The following SCFD1 variants were observed in gnomAD, a reference collection of about 807,000 sequenced individuals.
SCFD1 encodes sec1 family domain containing 1.
In SCFD1, 37 loss-of-function variants were observed where a neutral mutation model predicts 103.2. That is an observed-to-expected ratio of 0.36 (90% confidence interval 0.28 to 0.47). SCFD1 has a LOEUF of 0.47. SCFD1 is among the 20% of genes least tolerant of loss of function. The pLI is 1.00. For missense variants in SCFD1, 639 were observed against 761.2 expected (o/e 0.84, Z 1.89); for synonymous variants, 264 against 245.0 (o/e 1.08, Z -0.73).
chr14:30,630,436 G>GA (rs745459918), intron 2 of SCFD1, 41 bp from the exon 3 acceptor site: 36 of 1,108,554 alleles, frequency 3.2e-5, no homozygotes, highest in Non-Finnish European at 4.9e-5. Flanking sequence ...TTCACTATTG[G>GA]TTGTTCACTG....
chr14:30,673,497 G>T, intron 12 of SCFD1, 150 bp downstream of exon 12: 1 of 496,606 alleles, frequency 2.0e-6, no homozygotes, highest in Admixed American at 3.7e-5. Context: ...TGATCAAAAA[G>T]AAATCTAAAT....
chr14:30,625,721 A>ATAGGTATATAGG (rs760909609), intron 1 of SCFD1, among the ~76,000 whole-genome samples: 1 of 48,542 alleles, frequency 2.1e-5, no homozygotes, highest in African/African-American at 3.2e-4. Context: ...GTATATAGGT[A>ATAGGTATATAGG]TATAGGTATA....
chr14:30,701,160 G>C (rs1891052398), intron 16 of SCFD1, among the ~76,000 whole-genome samples: 1 of 152,158 alleles, frequency 6.6e-6, no homozygotes, highest in South Asian at 2.1e-4. Flanking sequence ...CTGGTAAATT[G>C]ATAGGGTTTC....
chr14:30,640,683 G>GTTTTTTTTTA (rs1555346847), intron 6 of SCFD1, among the ~76,000 whole-genome samples: 1 of 150,676 alleles, frequency 6.6e-6, no homozygotes, highest in Non-Finnish European at 1.5e-5. Context: ...ATATTAAGTG[G>GTTTTTTTTTA]TTTTTTTTTA....
chr14:30,653,575 T>C lies in SCFD1; in HGVS notation c.842T>C (p.Val281Ala). Reference sequence around the variant, plus strand: ...CATACTTGGACATATCAAGCATTGGTGCACGATGTACTGGTAAGAGACTAA... The same window carrying C: ...CATACTTGGACATATCAAGCATTGGCGCACGATGTACTGGTAAGAGACTAA... ...LHHTWTYQAL[V>A]HDVLDFHLNR... Residue 281 changes from valine to alanine, a missense_variant, in exon 10 of 25, where the codon GTG becomes GCG. Transcript: ENST00000458591. 6.2e-7 allele frequency: 1 copy of C among 1,609,646 alleles called. No individual in the cohort carries two copies. Among genetic ancestry groups the C allele is most frequent in the South Asian group, 1.1e-5 (1 of 90,924 alleles).
intron 20 of SCFD1, among the ~76,000 whole-genome samples, chr14:30,716,746 A>C (rs1315254546): frequency 2.6e-5 from 4 of 152,212 alleles, no homozygotes; most frequent in African/African-American, 9.6e-5. Context: ...TCTTCAGATG[A>C]GTGTCACCTT....
At chr14:30,650,031 A>G (rs1886248585) in intron 8 of SCFD1, among the ~76,000 whole-genome samples, 1 of 152,246 alleles carries the variant, frequency 6.6e-6, no homozygotes, top group Admixed American at 6.5e-5. Context: ...TGCTTTAAAG[A>G]TTAAGAAATG....
chr14:30,630,502 A>G lies in SCFD1; in HGVS notation c.158A>G (p.Gln53Arg). 7.5e-6 allele frequency: 12 copies of G among 1,603,120 alleles called. No individual in the cohort carries two copies. Among genetic ancestry groups the G allele is most frequent in the Non-Finnish European group, 1.0e-5 (12 of 1,170,596 alleles). ...GTACTCATTTATGACAGATTTGGCC[A>G]AGATATAATCTCTCCTCTGCTATCT... Reference protein sequence around the residue: ...WKVLIYDRFGQDIISPLLSVK... With the variant: ...WKVLIYDRFGRDIISPLLSVK... Residue 53 changes from glutamine (Q) to arginine (R), a missense_variant, in exon 3 of 25, where the codon CAA (glutamine) becomes CGA (arginine). Transcript: ENST00000458591.
chr14:30,713,501 G>C (rs758752348), intron 19 of SCFD1, among the ~76,000 whole-genome samples: 1 of 152,142 alleles, frequency 6.6e-6, no homozygotes, highest in Non-Finnish European at 1.5e-5. Context: ...CTATTTGGCA[G>C]ACTTGTCTTC....
Position 30,653,549 on chromosome 14 carries a change from T to G in SCFD1, c.816T>G (p.His272Gln). Residue 272 changes from histidine (H) to glutamine (Q), a missense_variant, in exon 10 of 25, where the codon CAT (histidine) becomes CAG (glutamine). Coordinates refer to ENST00000458591, the MANE Select transcript of SCFD1 (RefSeq NM_016106.4). ...DRNIDLATPL[H>Q]HTWTYQALVH... ...ACATAGATTTGGCAACTCCTTTACA[T>G]CATACTTGGACATATCAAGCATTGG... The G allele has an allele frequency of 6.2e-7, 1 of 1,613,644 alleles. No individual in the cohort carries two copies. Among genetic ancestry groups the G allele is most frequent in the Non-Finnish European group, 8.5e-7 (1 of 1,179,640 alleles).
intron 14 of SCFD1, among the ~76,000 whole-genome samples, chr14:30,684,803 C>CT (rs780577178): frequency 0.014 from 754 of 54,860 alleles, 60 homozygotes; most frequent in African/African-American, 0.041. Context: ...GCAATTGTTT[C>CT]TTTTTTTTTT....
intron 20 of SCFD1, among the ~76,000 whole-genome samples, chr14:30,717,984 T>A: frequency 6.6e-6 from 1 of 152,178 alleles, no homozygotes; most frequent in East Asian, 1.9e-4. Flanking sequence ...ATTTTCATTT[T>A]ATAGGTGAGG....
At position 30,660,509 on chromosome 14, in the gene SCFD1, G is replaced by C. The variant is rs75582805; in HGVS notation, c.855+6921G>C. 5.6e-3 allele frequency among the ~76,000 whole-genome samples: 853 copies of C among 152,172 alleles called. 10 individuals are homozygous for C. Among genetic ancestry groups the C allele is most frequent in the African/African-American group, 0.019 (783 of 41,526 alleles). Reference sequence around the variant, plus strand: ...GTTCTCCATAAATCTTTTACCTAAAGGTTTAAATGTCACTGATAATTATTG... The same window carrying C: ...GTTCTCCATAAATCTTTTACCTAAACGTTTAAATGTCACTGATAATTATTG... On this transcript the variant is annotated intron_variant, in intron 10 of 24. Coordinates refer to ENST00000458591, the MANE Select transcript of SCFD1 (RefSeq NM_016106.4).
intron 14 of SCFD1, among the ~76,000 whole-genome samples, chr14:30,678,879 T>C (rs184525271): frequency 1.5e-3 from 231 of 152,312 alleles, no homozygotes; most frequent in African/African-American, 5.2e-3. Flanking sequence ...CTTGTTCTTA[T>C]AGACAGTCTT....
At chr14:30,648,059 T>C (rs896210437) in intron 7 of SCFD1, among the ~76,000 whole-genome samples, 3 of 152,242 alleles carry the variant, frequency 2.0e-5, no homozygotes, top group Non-Finnish European at 1.5e-5. Flanking sequence ...ACAGTATATA[T>C]ACTATCGTAT....
intron 10 of SCFD1, among the ~76,000 whole-genome samples, chr14:30,663,754 T>G (rs1887658031): frequency 6.6e-6 from 1 of 152,216 alleles, no homozygotes. Flanking sequence ...AAGCACTGCC[T>G]CTGAAGTCAG....
chr14:30,628,854 G>A, intron 2 of SCFD1, among the ~76,000 whole-genome samples: 1 of 152,100 alleles, frequency 6.6e-6, no homozygotes, highest in Admixed American at 6.5e-5. Context: ...AAACTTACTG[G>A]TTAACAGTCT....
chr14:30,639,948 A>T, intron 6 of SCFD1, 84 bp downstream of exon 6: 2 of 1,414,688 alleles, frequency 1.4e-6, no homozygotes, highest in Non-Finnish European at 1.9e-6. Flanking sequence ...TGTTTAATGG[A>T]CTTCAAAACC....
chr14:30,700,438 C>T (rs957043813), intron 16 of SCFD1, among the ~76,000 whole-genome samples, 180 bp downstream of exon 16: 8 of 152,250 alleles, frequency 5.3e-5, no homozygotes, highest in African/African-American at 1.9e-4. Flanking sequence ...TTTGGGAGGC[C>T]GAGGCAGGCA....
Sources: allele counts gnomAD v4.1 joint callset (sites outside exome capture counted in the v4.1 genomes callset), GRCh38; gene constraint gnomAD v4.1.1; transcripts MANE v1.5; gene names NCBI Gene and HGNC (gene_info 2026-07-23, HGNC 2026-07-21).